Variants in RBFOX1 observed in about 807,000 individuals in gnomAD.
RBFOX1 encodes the protein RNA binding protein fox-1 homolog 1.
Under a neutral mutation model 57.7 loss-of-function variants are expected in RBFOX1, and 8 were observed. The ratio of observed to expected loss-of-function variants is 0.14; its 90% CI spans 0.08 to 0.25. The LOEUF (loss-of-function observed/expected upper bound fraction) is 0.25, where lower values mean the gene tolerates loss of function less well. Among genes scored for constraint, RBFOX1 ranks in the 10% least tolerant of loss-of-function variants. The pLI is 1.00. For synonymous variants in RBFOX1, 326 were observed against 222.4 expected (o/e 1.47, Z -4.15); for missense variants, 611 against 548.5 (o/e 1.11, Z -1.14).
chr16:6,428,014 G>A (rs1403635959), intron 2 of RBFOX1, among the ~76,000 whole-genome samples: 1 of 152,122 alleles, frequency 6.6e-6, no homozygotes, highest in Admixed American at 6.5e-5. Flanking sequence ...CGGGCACGGT[G>A]GCTCATGCCT....
rs571374765 is a variant in RBFOX1 at position 7,280,314 on chromosome 16, A to G, written c.27+228216A>G. Among the ~76,000 whole-genome samples the G allele has an allele frequency of 1.1e-4, 16 of 152,350 alleles. No homozygotes were observed. In the East Asian group the frequency reaches 2.7e-3, roughly 26 times the overall value. On this transcript the variant is annotated intron_variant, in intron 4 of 15. Coordinates refer to ENST00000550418, the MANE Select transcript of RBFOX1 (RefSeq NM_018723.4). ...ATCTGGGTGTTCTGCCTTCCAGAAT[A>G]GAGTCCTTCTTCTCCCTCCATAGAC...
intron 4 of RBFOX1, among the ~76,000 whole-genome samples, chr16:7,248,946 G>C (rs886929838): frequency 2.6e-5 from 4 of 152,146 alleles, no homozygotes; most frequent in African/African-American, 9.7e-5. Context: ...GCACCATCTT[G>C]TTCTAGGAGA....
intron 4 of RBFOX1, among the ~76,000 whole-genome samples, chr16:7,142,291 C>T (rs917558934): frequency 1.3e-5 from 2 of 152,072 alleles, no homozygotes; most frequent in Admixed American, 6.6e-5. Flanking sequence ...TCCAAAGTGG[C>T]GGGATTATGG....
intron 4 of RBFOX1, among the ~76,000 whole-genome samples, chr16:7,232,164 C>T (rs1001100750): frequency 6.6e-6 from 1 of 152,100 alleles, no homozygotes; most frequent in African/African-American, 2.4e-5. Context: ...GCTGAGACTA[C>T]AGGTACATAC....
At chr16:7,359,777 G>A (rs566269804) in intron 4 of RBFOX1, among the ~76,000 whole-genome samples, 87 of 152,270 alleles carry the variant, frequency 5.7e-4, no homozygotes, top group South Asian at 4.4e-3. Context: ...AAGTTCAGGA[G>A]ATCGAGACCA....
At chr16:6,913,712 C>T (rs1477071099) in intron 3 of RBFOX1, among the ~76,000 whole-genome samples, 2 of 152,174 alleles carry the variant, frequency 1.3e-5, no homozygotes, top group Admixed American at 6.5e-5. Context: ...AGGCTCTGTC[C>T]TCCCCTGCGT....
intron 1 of RBFOX1, among the ~76,000 whole-genome samples, chr16:6,308,458 T>A (rs1156878858): frequency 6.6e-6 from 1 of 152,206 alleles, no homozygotes; most frequent in Non-Finnish European, 1.5e-5. Flanking sequence ...TGAGAGAAAC[T>A]TTTTTACATA....
At chr16:6,757,471 G>A (rs2075981661) in intron 3 of RBFOX1, among the ~76,000 whole-genome samples, 1 of 152,176 alleles carries the variant, frequency 6.6e-6, no homozygotes, top group South Asian at 2.1e-4. Flanking sequence ...CCTGAAAAAG[G>A]ATGAAATGCT....
intron 3 of RBFOX1, among the ~76,000 whole-genome samples, chr16:5,819,365 C>A (rs2055763596): frequency 1.3e-5 from 2 of 152,164 alleles, no homozygotes; most frequent in South Asian, 4.1e-4. Context: ...TTTTAGGGGA[C>A]ACAATTATTT....
chr16:7,322,208 C>A (rs1036313844), intron 4 of RBFOX1, among the ~76,000 whole-genome samples: 1 of 152,168 alleles, frequency 6.6e-6, no homozygotes, highest in South Asian at 2.1e-4. Context: ...TGCTAGTTAT[C>A]GGACAAGGGA....
At chr16:6,424,587 T>C (rs2093869158) in intron 2 of RBFOX1, among the ~76,000 whole-genome samples, 1 of 108,516 alleles carries the variant, frequency 9.2e-6, no homozygotes, top group Non-Finnish European at 2.1e-5. Flanking sequence ...TGAGAAACCC[T>C]AGTACATCTT....
intron 1 of RBFOX1, among the ~76,000 whole-genome samples, chr16:6,066,962 G>T (rs2152473288): frequency 6.6e-6 from 1 of 152,242 alleles, no homozygotes; most frequent in South Asian, 2.1e-4. Flanking sequence ...CCCAGAGTAG[G>T]GGGCGGGGGA....
rs377390066 is a variant in RBFOX1 at position 5,286,459 on chromosome 16, G to A, written c.219+46354G>A. 8.7e-4 allele frequency among the ~76,000 whole-genome samples: 132 copies of A among 152,234 alleles called. 4 individuals carry two copies. In the South Asian group the frequency reaches 0.026, roughly 29 times the overall value. On this transcript the variant is annotated intron_variant, in intron 1 of 2. Transcript: ENST00000585867. ...TGGAGGCAGGGGAGTCAGTCTCCAG[G>A]CCCCCAGATGGTACATTCAGGCACC...
chr16:6,563,835 A>AT lies in RBFOX1; in HGVS notation c.-63-90768_-63-90767insT, dbSNP rs1555555078. Among the ~76,000 whole-genome samples, 911 of 151,324 alleles carry AT rather than the reference A, an allele frequency of 6.0e-3. 7 individuals are homozygous for AT. The highest frequency in any genetic ancestry group is 9.5e-3 in the Non-Finnish European group (647 of 67,862). On this transcript the variant is annotated intron_variant, in intron 2 of 15. Transcript: ENST00000550418. ...AGTGGGATCCTGTCTCCAAAAAAAAAATATATATATATGTGTGTGTGTGTG... is the reference window on the plus strand; with the variant it reads ...AGTGGGATCCTGTCTCCAAAAAAAAATATATATATATATGTGTGTGTGTGTG...
intron 3 of RBFOX1, among the ~76,000 whole-genome samples, chr16:5,822,301 A>G (rs894437687): frequency 6.6e-6 from 1 of 152,184 alleles, no homozygotes. Context: ...GAGAGGGGCA[A>G]GGGATAAAAG....
At chr16:6,492,250 T>C (rs1421213028) in intron 2 of RBFOX1, among the ~76,000 whole-genome samples, 1 of 152,186 alleles carries the variant, frequency 6.6e-6, no homozygotes, top group African/African-American at 2.4e-5. Context: ...TACCTTCTTC[T>C]GTAGAGGACT....
intron 1 of RBFOX1, among the ~76,000 whole-genome samples, chr16:5,299,187 C>T (rs992494144): frequency 1.3e-5 from 2 of 152,098 alleles, no homozygotes; most frequent in African/African-American, 4.8e-5. Context: ...ATATGCTATG[C>T]ACTCCTTTAT....
intron 2 of RBFOX1, among the ~76,000 whole-genome samples, chr16:5,548,244 G>C (rs1241663426): frequency 6.9e-6 from 1 of 145,318 alleles, no homozygotes; most frequent in East Asian, 1.9e-4. Flanking sequence ...AGGAAGAAGG[G>C]AGGAAGAGTG....
chr16:5,984,974 ATATTTTTTT>A (rs2060256001), intron 4 of RBFOX1, among the ~76,000 whole-genome samples: 3 of 56,262 alleles, frequency 5.3e-5, no homozygotes, highest in African/African-American at 2.6e-4. Context: ...ATATATATAT[ATATTTTTTT>A]TTTTTTTTTT....
Sources: gnomAD v4.1 joint callset for allele counts (sites outside exome capture counted in the v4.1 genomes callset) on GRCh38, gnomAD v4.1.1 for gene constraint, MANE v1.5 for transcripts, NCBI Gene and HGNC (gene_info 2026-07-23, HGNC 2026-07-21) for gene names.